MYH9: variants seen among roughly 807,000 people sequenced by gnomAD.
MYH9 encodes myosin-9.
MYH9 carries 29 observed loss-of-function variants against 241.9 expected under a neutral mutation model. The observed-to-expected ratio is 0.12, with a 90% CI of 0.09 to 0.16. The LOEUF (loss-of-function observed/expected upper bound fraction) is 0.16, where lower values mean the gene tolerates loss of function less well. Among genes scored for constraint, MYH9 ranks in the 10% least tolerant of loss-of-function variants. The pLI is 1.00. For synonymous variants in MYH9, 1,047 were observed against 1,062.6 expected (o/e 0.99, Z 0.29); for missense variants, 1,803 against 2,595.5 (o/e 0.69, Z 6.63).
At chr22:36,298,091 T>C (rs1388917674) in intron 24 of MYH9, among the ~76,000 whole-genome samples, 1 of 152,162 alleles carries the variant, frequency 6.6e-6, no homozygotes, top group Non-Finnish European at 1.5e-5. Context: ...CGGACCTCTC[T>C]TCTGCTGGAC....
intron 2 of MYH9, among the ~76,000 whole-genome samples, chr22:36,347,144 G>A (rs536738631): frequency 1.3e-5 from 2 of 152,142 alleles, no homozygotes. Flanking sequence ...AGAGCCCGTT[G>A]CCTCTGGGAT....
Position 36,294,317 on chromosome 22 carries a change from A to G in MYH9, c.3631-19T>C. 1 of 1,612,094 alleles carries G rather than the reference A, an allele frequency of 6.2e-7. No individual in the cohort carries two copies. The highest frequency in any genetic ancestry group is 8.5e-7 in the Non-Finnish European group (1 of 1,179,788). ...CTTTCACCTAGCAGGGAAGAAAGCA[A>G]AGACGTGAGTGGGGGCCTCCTGACA... On this transcript the variant is annotated intron_variant, in intron 27 of 40. Coordinates refer to ENST00000216181, the MANE Select transcript of MYH9 (RefSeq NM_002473.6).
At chr22:36,298,880 C>G in intron 24 of MYH9, 39 bp downstream of exon 24, 1 of 1,611,080 alleles carries the variant, frequency 6.2e-7, no homozygotes, top group Non-Finnish European at 8.5e-7. Context: ...CCTTGCCCGC[C>G]AGCCCCTGCC....
chr22:36,375,011 C>T (rs192923752), intron 1 of MYH9, among the ~76,000 whole-genome samples: 94 of 152,304 alleles, frequency 6.2e-4, no homozygotes, highest in African/African-American at 2.3e-3. Flanking sequence ...TTTCCAGCAT[C>T]GGTATCTGGT....
intron 30 of MYH9, 139 bp from the exon 31 acceptor site, chr22:36,292,373 C>A: frequency 1.8e-6 from 2 of 1,137,070 alleles, no homozygotes; most frequent in African/African-American, 1.5e-5. Context: ...AAACCGCCTC[C>A]CCCAGTCACT....
In MYH9 at chr22:36,288,170, C is replaced by A; in HGVS notation, c.4932+82G>T. 1 of 1,577,174 alleles carries A rather than the reference C, an allele frequency of 6.3e-7. No homozygotes were observed. Among genetic ancestry groups the A allele is most frequent in the South Asian group, 1.1e-5 (1 of 90,052 alleles). On this transcript the variant is annotated intron_variant, in intron 34 of 40. Coordinates refer to ENST00000216181, the MANE Select transcript of MYH9 (RefSeq NM_002473.6). This position sits in a 1 kb window ranked among gnomAD's most constrained non-coding sequence, Gnocchi z 4.8. ...GGTGCCACCCTGCCAGGTTCCCGCC[C>A]TGGGCCGAGCCCTGGCACCTTCATA... is the stretch of plus-strand genomic sequence containing the variant.
chr22:36,331,987 C>G (rs1218299609), intron 3 of MYH9, among the ~76,000 whole-genome samples: 1 of 152,180 alleles, frequency 6.6e-6, no homozygotes, highest in African/African-American at 2.4e-5. Flanking sequence ...CAGAGTGGCC[C>G]CTGGGGGGTG....
chr22:36,337,875 G>T (rs1259524974), intron 3 of MYH9, among the ~76,000 whole-genome samples: 2 of 152,092 alleles, frequency 1.3e-5, no homozygotes, highest in Non-Finnish European at 2.9e-5. Flanking sequence ...TTTTACTAGT[G>T]AACCAGCTTG....
chr22:36,329,699 G>A lies in MYH9; in HGVS notation c.491-2211C>T, dbSNP rs572987989. 5.9e-5 allele frequency among the ~76,000 whole-genome samples: 9 copies of A among 152,316 alleles called. No individual in the cohort carries two copies. The highest frequency in any genetic ancestry group is 2.6e-4 in the Admixed American group (4 of 15,304). The stretch of plus-strand genomic sequence containing the variant: ...TGGAATTCCTCTAATTGTGTGAGGA[G>A]GAGTCAGAGGCTCTGCTGCTGAACA... On this transcript the variant is annotated intron_variant, in intron 3 of 40. Transcript: ENST00000216181. This position sits in a 1 kb window ranked among gnomAD's most constrained non-coding sequence, Gnocchi z 4.1.
In MYH9 at chr22:36,300,417, C is replaced by T. The variant is rs575748091; in HGVS notation, c.2839-153G>A. On this transcript the variant is annotated intron_variant, in intron 22 of 40. Transcript: ENST00000216181. The surrounding 1 kb of genome is among the most constrained non-coding windows in gnomAD (Gnocchi z 5.0). ...TGGCTGAGGTGGGGACGGCAAGGTC[C>T]GCCAGCCCAGGGCCACAGCCGAGGC... is the stretch of plus-strand genomic sequence containing the variant. Among the ~76,000 whole-genome samples the T allele has an allele frequency of 1.4e-4, 22 of 152,314 alleles. No individual in the cohort carries two copies. In the South Asian group the frequency reaches 3.1e-3, roughly 22 times the overall value.
intron 13 of MYH9, among the ~76,000 whole-genome samples, chr22:36,313,185 C>T (rs1175614727): frequency 6.6e-6 from 1 of 151,486 alleles, no homozygotes; most frequent in Admixed American, 6.6e-5. Context: ...AGAGACAGGC[C>T]AGGCGCGGTG....
intron 5 of MYH9, among the ~76,000 whole-genome samples, chr22:36,323,401 C>T (rs912722497): frequency 2.6e-5 from 4 of 152,362 alleles, no homozygotes; most frequent in South Asian, 2.1e-4. Context: ...GACTAACTAA[C>T]GCTGGCTAAG....
At chr22:36,309,260 G>A in intron 15 of MYH9, 22 bp downstream of exon 15, 1 of 1,597,422 alleles carries the variant, frequency 6.3e-7, no homozygotes. Flanking sequence ...AGGAGGCAGG[G>A]GGCGAAGGGC....
chr22:36,354,341 A>C (rs548862353), intron 1 of MYH9, among the ~76,000 whole-genome samples: 4 of 152,102 alleles, frequency 2.6e-5, no homozygotes, highest in Non-Finnish European at 4.4e-5. Context: ...CCAAGGCCTC[A>C]CTGTCCAACA....
chr22:36,324,059 G>C (rs1603483513), intron 5 of MYH9, among the ~76,000 whole-genome samples: 1 of 152,222 alleles, frequency 6.6e-6, no homozygotes, highest in Non-Finnish European at 1.5e-5. Context: ...TGCCAGGCTG[G>C]CTGAACCGCT....
intron 1 of MYH9, among the ~76,000 whole-genome samples, chr22:36,358,102 C>A (rs888239368): frequency 3.3e-5 from 5 of 152,152 alleles, no homozygotes; most frequent in African/African-American, 1.2e-4. Flanking sequence ...CCCTGGGAAT[C>A]CCATCAGGCT....
At position 36,316,975 on chromosome 22, in the gene MYH9, C is replaced by T. The variant is rs1003366; in HGVS notation, c.1228-306G>A. Among the ~76,000 whole-genome samples, 137,733 of 143,474 alleles carry T rather than the reference C, an allele frequency of 0.96. 66,127 individuals carry two copies. The highest frequency in any genetic ancestry group is 1 in the East Asian group (5,094 of 5,114). 94.1% of individuals were successfully genotyped at this position (143,474 alleles called of 152,430 possible). On this transcript the variant is annotated intron_variant, in intron 11 of 40. Transcript: ENST00000216181. ...TGCTTCAAAATAAGGCAGTGGTCTACGGCCGTACCACCCTAAATGCACCCG... is the reference window on the plus strand; with the variant it reads ...TGCTTCAAAATAAGGCAGTGGTCTATGGCCGTACCACCCTAAATGCACCCG...
intron 3 of MYH9, among the ~76,000 whole-genome samples, chr22:36,336,562 C>G (rs890171001): frequency 2.0e-5 from 3 of 152,232 alleles, no homozygotes; most frequent in Admixed American, 6.5e-5. Context: ...GAGGAACAGT[C>G]CAATCCCCAA....
At position 36,301,051 on chromosome 22, in the gene MYH9, C is replaced by T. The variant is rs1240283327; in HGVS notation, c.2638G>A (p.Ala880Thr). ...TGCTCCTGCAGCTGCAATTTCTCTG[C>T]CATGAGCTGCAAACAACAAGTGGAA... ...EMETLQSQLM[A>T]EKLQLQEQLQ... The change falls in exon 22 of 41, where the codon GCA (alanine) becomes ACA (threonine). Residue 880 changes from alanine to threonine, a missense_variant. Physicochemically the swap from Ala to Thr is moderately conservative, Grantham distance 58. Around this residue, in one of 11 missense-constraint regions of MYH9, gnomAD observed 290 missense variants for 360.5 expected, o/e 0.80. Coordinates refer to ENST00000216181, the MANE Select transcript of MYH9 (RefSeq NM_002473.6). 1.2e-6 allele frequency: 2 copies of T among 1,609,588 alleles called. No individual in the cohort carries two copies. The highest frequency in any genetic ancestry group is 1.7e-6 in the Non-Finnish European group (2 of 1,180,010).
Sources: allele counts gnomAD v4.1 joint callset (sites outside exome capture counted in the v4.1 genomes callset), GRCh38; gene constraint gnomAD v4.1.1; regional missense constraint gnomAD v4.1.1; non-coding constraint Gnocchi (gnomAD v3.1); transcripts MANE v1.5; gene names NCBI Gene and HGNC (gene_info 2026-07-23, HGNC 2026-07-21).